The following KCNJ6 variants were observed in gnomAD, a reference collection of about 807,000 sequenced individuals.
KCNJ6 encodes the protein potassium inwardly rectifying channel subfamily J member 6, also known as G protein-activated inward rectifier potassium channel 2.
KCNJ6 carries 9 observed loss-of-function variants against 34.2 expected under a neutral mutation model. That is an observed-to-expected ratio of 0.26 (90% CI 0.16 to 0.46). The LOEUF (loss-of-function observed/expected upper bound fraction) is 0.46. Among genes scored for constraint, KCNJ6 ranks in the 20% least tolerant of loss-of-function variants. The pLI is 1.00. For synonymous variants in KCNJ6, 196 were observed against 207.1 expected (o/e 0.95, Z 0.46); for missense variants, 236 against 531.3 (o/e 0.44, Z 5.46).
chr21:37,665,875 C>T (rs746874588), intron 3 of KCNJ6, among the ~76,000 whole-genome samples: 9 of 151,978 alleles, frequency 5.9e-5, no homozygotes, highest in Non-Finnish European at 1.3e-4. Context: ...TGTTTAGTTA[C>T]TCCAAGCAGG....
At chr21:37,837,832 G>A (rs757977289) in intron 2 of KCNJ6, among the ~76,000 whole-genome samples, 8 of 151,264 alleles carry the variant, frequency 5.3e-5, no homozygotes, top group Non-Finnish European at 1.2e-4. Flanking sequence ...ACCTAATTAT[G>A]TATTTCATTG....
Position 37,759,478 on chromosome 21 carries a change from G to A in KCNJ6, c.26-44347C>T, listed in dbSNP as rs185541090. ...CTGCAGGCACCCTGACCGCAAAGGT[G>A]TTCTCACAACCCCGCAGGGTCTTGC... On this transcript the variant is annotated intron_variant, in intron 2 of 3. Transcript: ENST00000609713. Among the ~76,000 whole-genome samples, 69 of 152,268 alleles carry A rather than the reference G, an allele frequency of 4.5e-4. 1 individual carries two copies. The highest frequency in any genetic ancestry group is 3.3e-4 in the Admixed American group (5 of 15,304).
intron 3 of KCNJ6, among the ~76,000 whole-genome samples, chr21:37,671,745 T>G (rs1348696280): frequency 6.6e-6 from 1 of 152,236 alleles, no homozygotes; most frequent in Admixed American, 6.5e-5. Context: ...GGGTGTCCAC[T>G]GGAGAATGAC....
At chr21:37,844,353 G>A (rs575458132) in intron 1 of KCNJ6, among the ~76,000 whole-genome samples, 3 of 151,950 alleles carry the variant, frequency 2.0e-5, no homozygotes, top group African/African-American at 4.8e-5. Context: ...CACCGTGCCC[G>A]GCCTACTTTG....
chr21:37,818,290 C>T (rs1180237961), intron 2 of KCNJ6, among the ~76,000 whole-genome samples: 1 of 151,412 alleles, frequency 6.6e-6, no homozygotes. Context: ...AAGGGAATAC[C>T]AGCAAAGCTG....
At chr21:37,885,888 T>C (rs1374147916) in intron 1 of KCNJ6, among the ~76,000 whole-genome samples, 2 of 152,238 alleles carry the variant, frequency 1.3e-5, no homozygotes, top group African/African-American at 4.8e-5. Flanking sequence ...CAGCAGTAGA[T>C]GACTACTGCA....
Position 37,710,687 on chromosome 21 carries a change from C to T in KCNJ6, c.946+3524G>A, listed in dbSNP as rs958755558. On this transcript the variant is annotated intron_variant, in intron 3 of 3. Coordinates refer to ENST00000609713, the MANE Select transcript of KCNJ6 (RefSeq NM_002240.5). ...GCGCTGCGTGGCTGTCATCTTGCCTCGAGGCCCATTTGCCCTCTATAAATA... is the reference window on the plus strand; with the variant it reads ...GCGCTGCGTGGCTGTCATCTTGCCTTGAGGCCCATTTGCCCTCTATAAATA... Among the ~76,000 whole-genome samples the T allele has an allele frequency of 3.3e-5, 5 of 152,190 alleles. No homozygotes were observed. The East Asian group carries it at 5.8e-4, about 18-fold the overall frequency.
At chr21:37,823,175 C>A (rs548124575) in intron 2 of KCNJ6, among the ~76,000 whole-genome samples, 7 of 152,162 alleles carry the variant, frequency 4.6e-5, no homozygotes, top group Non-Finnish European at 8.8e-5. Context: ...CCAGCCCCCA[C>A]GGCCACCCCA....
rs976826592 is a variant in KCNJ6 at position 37,624,363 on chromosome 21, C to G, written c.*796G>C. ...CCCTAACGTCTGCCAGTCTGAGACA[C>G]AAACAAAGGCCATGCACTGAAGGGC... On this transcript the variant is annotated 3_prime_UTR_variant, in exon 4 of 4. Transcript: ENST00000609713. The G allele has an allele frequency of 3.3e-5, 5 of 151,974 alleles. No individual in the cohort carries two copies. In the South Asian group the frequency reaches 6.2e-4, roughly 19 times the overall value. The allele number at this position is 151,974 out of a possible 1,614,324, so 9.4% of individuals were successfully genotyped here.
intron 2 of KCNJ6, among the ~76,000 whole-genome samples, chr21:37,749,891 G>A (rs184406558): frequency 7.7e-4 from 118 of 152,294 alleles, no homozygotes; most frequent in African/African-American, 2.6e-3. Flanking sequence ...TCATACCTAT[G>A]CAGCCTGCCT....
Position 37,608,013 on chromosome 21 carries a change from T to G in KCNJ6, c.*17146A>C, listed in dbSNP as rs969501417. The G allele has an allele frequency of 6.6e-6, 1 of 152,248 alleles. No individual in the cohort carries two copies. Among genetic ancestry groups the G allele is most frequent in the Non-Finnish European group, 1.5e-5 (1 of 68,036 alleles). 9.4% of individuals were successfully genotyped at this position (152,248 alleles called of 1,614,324 possible). A position where few individuals can be genotyped will look rare whatever the true frequency, so the allele number is the denominator to read the frequency against. Reference sequence around the variant, plus strand: ...CATTTCAAAGTGCTTGACAGTTGTGTAAAGACCTTTTGGTTTTGTCCAGTG... The same window carrying G: ...CATTTCAAAGTGCTTGACAGTTGTGGAAAGACCTTTTGGTTTTGTCCAGTG... On this transcript the variant is annotated 3_prime_UTR_variant, in exon 4 of 4. Transcript: ENST00000609713.
In KCNJ6 at chr21:37,731,100, A is replaced by AGTGT. The variant is rs113587330; in HGVS notation, c.26-15973_26-15970dup. ...TCTGCCATTGCAGATAGATGAGAGAAGTGTGTGTGTGTGTGTGTGTGTGTG... is the reference window on the plus strand; with the variant it reads ...TCTGCCATTGCAGATAGATGAGAGAAGTGTGTGTGTGTGTGTGTGTGTGTGTGTG... On this transcript the variant is annotated intron_variant, in intron 2 of 3. Transcript: ENST00000609713. 2.7e-3 allele frequency among the ~76,000 whole-genome samples: 367 copies of AGTGT among 134,772 alleles called. 1 individual carries two copies. Among genetic ancestry groups the AGTGT allele is most frequent in the South Asian group, 0.014 (59 of 4,278 alleles). The allele number at this position is 134,772 out of a possible 152,430, so 88.4% of individuals were successfully genotyped here. A position where few individuals can be genotyped will look rare whatever the true frequency, so the allele number is the denominator to read the frequency against.
chr21:37,779,209 C>T (rs537230069), intron 2 of KCNJ6, among the ~76,000 whole-genome samples: 81 of 152,206 alleles, frequency 5.3e-4, no homozygotes, highest in African/African-American at 1.9e-3. Flanking sequence ...TTCATTTAAT[C>T]CTTGTAACTA....
intron 2 of KCNJ6, among the ~76,000 whole-genome samples, chr21:37,800,633 A>C (rs2055264497): frequency 6.6e-6 from 1 of 152,182 alleles, no homozygotes; most frequent in African/African-American, 2.4e-5. Flanking sequence ...TTGCAGAGAC[A>C]GGCAGGGGCT....
rs1004283785 is a variant in KCNJ6, at chr21:37,916,168, C to G, written c.-312G>C. 2.0e-5 allele frequency: 3 copies of G among 152,210 alleles called. No individual in the cohort carries two copies. The highest frequency in any genetic ancestry group is 7.2e-5 in the African/African-American group (3 of 41,550). 9.4% of individuals were successfully genotyped at this position (152,210 alleles called of 1,614,324 possible). A position where few individuals can be genotyped will look rare whatever the true frequency, so the allele number is the denominator to read the frequency against. ...CTCTCCAGCCAGGTGCGGCCGTCTC[C>G]GGACTGGCTCCCTCTGGCCGAGCGC... On this transcript the variant is annotated 5_prime_UTR_variant, in exon 1 of 4. Transcript: ENST00000609713.
chr21:37,663,357 A>C (rs2123400328), intron 3 of KCNJ6, among the ~76,000 whole-genome samples: 1 of 152,292 alleles, frequency 6.6e-6, no homozygotes, highest in Admixed American at 6.5e-5. Flanking sequence ...GAGGCCTAAT[A>C]GTTTTCCCAA....
chr21:37,913,638 T>C (rs2055877762), intron 1 of KCNJ6, among the ~76,000 whole-genome samples: 1 of 152,058 alleles, frequency 6.6e-6, no homozygotes, highest in Non-Finnish European at 1.5e-5. Context: ...ACCAACATGG[T>C]GAAACCCCGT....
intron 2 of KCNJ6, among the ~76,000 whole-genome samples, chr21:37,718,964 C>T (rs558737866): frequency 1.3e-5 from 2 of 152,234 alleles, no homozygotes; most frequent in Non-Finnish European, 2.9e-5. Context: ...AGGCCAGGTG[C>T]ATCCATGGGG....
intron 1 of KCNJ6, among the ~76,000 whole-genome samples, chr21:37,845,649 GC>G (rs1200570138): frequency 6.6e-6 from 1 of 152,308 alleles, no homozygotes; most frequent in African/African-American, 2.4e-5. Flanking sequence ...ATTCCGTTTG[GC>G]TACTGTGTGG....
Sources: allele counts gnomAD v4.1 joint callset (sites outside exome capture counted in the v4.1 genomes callset), GRCh38; gene constraint gnomAD v4.1.1; transcripts MANE v1.5; gene names NCBI Gene and HGNC (gene_info 2026-07-23, HGNC 2026-07-21).